The following ATG10 variants were observed in gnomAD, a reference collection of about 807,000 sequenced individuals.
The protein encoded by ATG10 is autophagy related 10.
ATG10 carries 30 observed loss-of-function variants against 32.1 expected under a neutral mutation model. The observed-to-expected ratio is 0.94, with a 90% CI of 0.70 to 1.27. The LOEUF (loss-of-function observed/expected upper bound fraction) is 1.27, where lower values mean the gene tolerates loss of function less well. ATG10 is among the 50% of genes most tolerant of loss of function. The probability of loss-of-function intolerance (pLI) is 0.00; values close to 1 mark genes in which losing one functional copy is unlikely to be tolerated. For missense variants in ATG10, 233 were observed against 262.3 expected (o/e 0.89, Z 0.77); for synonymous variants, 87 against 91.5 (o/e 0.95, Z 0.28).
intron 3 of ATG10, among the ~76,000 whole-genome samples, chr5:82,152,338 A>G (rs1767637591): frequency 2.0e-5 from 3 of 152,210 alleles, no homozygotes; most frequent in Admixed American, 6.5e-5. Context: ...TGGGTGTCTG[A>G]TCATCCACGA....
chr5:82,186,413 T>C (rs1462962208), intron 5 of ATG10, among the ~76,000 whole-genome samples: 1 of 152,216 alleles, frequency 6.6e-6, no homozygotes, highest in East Asian at 1.9e-4. Flanking sequence ...GTGTGAGATA[T>C]ACTCTGTTTG....
intron 5 of ATG10, among the ~76,000 whole-genome samples, chr5:82,245,761 C>G (rs1747004775): frequency 6.6e-6 from 1 of 152,058 alleles, no homozygotes; most frequent in Non-Finnish European, 1.5e-5. Context: ...TATTTAGAAA[C>G]AAGGATTTAT....
intron 5 of ATG10, among the ~76,000 whole-genome samples, chr5:82,248,267 G>T (rs933482284): frequency 1.3e-5 from 2 of 152,164 alleles, no homozygotes; most frequent in Non-Finnish European, 2.9e-5. Context: ...GCAACCTCTG[G>T]CTAGCAGAGC....
chr5:82,138,692 A>G (rs1195869371), intron 3 of ATG10, among the ~76,000 whole-genome samples: 1 of 152,136 alleles, frequency 6.6e-6, no homozygotes, highest in East Asian at 1.9e-4. Context: ...GGATCCATGG[A>G]TTCTTTTTAG....
intron 3 of ATG10, among the ~76,000 whole-genome samples, chr5:82,100,291 G>A (rs1765224674): frequency 6.6e-6 from 1 of 152,062 alleles, no homozygotes; most frequent in Non-Finnish European, 1.5e-5. Flanking sequence ...ATAGGCGTGA[G>A]CCACCGCACC....
intron 2 of ATG10, among the ~76,000 whole-genome samples, chr5:81,989,249 A>G (rs1400000545): frequency 6.6e-6 from 1 of 152,172 alleles, no homozygotes; most frequent in Non-Finnish European, 1.5e-5. Context: ...TGCTGGTTGG[A>G]TATGTTTCCT....
intron 3 of ATG10, among the ~76,000 whole-genome samples, chr5:82,092,332 G>A (rs1259497136): frequency 6.6e-6 from 1 of 152,022 alleles, no homozygotes; most frequent in African/African-American, 2.4e-5. Flanking sequence ...GGAAAATATA[G>A]GTTTACATTT....
chr5:82,029,720 C>T (rs17303294), intron 2 of ATG10, among the ~76,000 whole-genome samples: 6,052 of 152,114 alleles, frequency 0.04, 167 homozygotes, highest in South Asian at 0.074. Context: ...AGAATAAAGG[C>T]CTGGAAGGAG....
intron 1 of ATG10, among the ~76,000 whole-genome samples, chr5:81,977,729 A>G (rs1414221872): frequency 6.6e-6 from 1 of 152,186 alleles, no homozygotes; most frequent in Non-Finnish European, 1.5e-5. Context: ...AATTGAATTC[A>G]TGTGTTCAGA....
intron 5 of ATG10, among the ~76,000 whole-genome samples, chr5:82,181,454 A>G (rs1240558852): frequency 6.6e-6 from 1 of 152,072 alleles, no homozygotes; most frequent in Non-Finnish European, 1.5e-5. Context: ...GTTGGTATTT[A>G]TATCCTCTTC....
chr5:82,031,588 A>G (rs892638553), intron 2 of ATG10, among the ~76,000 whole-genome samples: 3 of 152,238 alleles, frequency 2.0e-5, no homozygotes, highest in Admixed American at 2.0e-4. Context: ...TGACATTATA[A>G]TGTGAAAAAA....
At chr5:82,232,987 T>G (rs550445484) in intron 5 of ATG10, among the ~76,000 whole-genome samples, 1 of 152,300 alleles carries the variant, frequency 6.6e-6, no homozygotes, top group African/African-American at 2.4e-5. Flanking sequence ...CACTCCCTTC[T>G]AATGGTCTTT....
chr5:81,979,287 A>G (rs374358546), intron 1 of ATG10, among the ~76,000 whole-genome samples: 15 of 152,264 alleles, frequency 9.9e-5, no homozygotes, highest in African/African-American at 3.6e-4. Context: ...CAGCACTTCC[A>G]GAGGCCGAGA....
intron 3 of ATG10, among the ~76,000 whole-genome samples, chr5:82,108,910 C>G (rs1765525650): frequency 6.6e-6 from 1 of 151,862 alleles, no homozygotes; most frequent in Non-Finnish European, 1.5e-5. Flanking sequence ...GAAGATAATT[C>G]CATTTTGGCA....
chr5:82,233,760 A>G (rs981930690), intron 5 of ATG10, among the ~76,000 whole-genome samples: 4 of 152,176 alleles, frequency 2.6e-5, no homozygotes, highest in Admixed American at 2.6e-4. Flanking sequence ...TTCTTACTAT[A>G]TAGGGGAGAG....
At chr5:82,010,628 A>G (rs1046501275) in intron 2 of ATG10, among the ~76,000 whole-genome samples, 6 of 152,202 alleles carry the variant, frequency 3.9e-5, no homozygotes, top group Admixed American at 3.9e-4. Context: ...TATTGCTGAT[A>G]TGCAGGTAAG....
chr5:82,200,341 A>G (rs928305323), intron 5 of ATG10, among the ~76,000 whole-genome samples: 3 of 152,012 alleles, frequency 2.0e-5, no homozygotes, highest in Non-Finnish European at 4.4e-5. Context: ...TAGTAGTATC[A>G]TACTATGGTT....
chr5:82,230,213 G>A (rs1028211123), intron 5 of ATG10, among the ~76,000 whole-genome samples: 4 of 152,122 alleles, frequency 2.6e-5, no homozygotes, highest in Non-Finnish European at 4.4e-5. Flanking sequence ...TTCAAAGGAA[G>A]GGTTAGTTCT....
chr5:82,003,624 A>G (rs1761910248), intron 2 of ATG10, among the ~76,000 whole-genome samples: 1 of 152,246 alleles, frequency 6.6e-6, no homozygotes, highest in Non-Finnish European at 1.5e-5. Flanking sequence ...AAAACCATGT[A>G]TTCATAATGT....
Sources: allele counts gnomAD v4.1 joint callset (sites outside exome capture counted in the v4.1 genomes callset), GRCh38; gene constraint gnomAD v4.1.1; transcripts MANE v1.5; gene names NCBI Gene and HGNC (gene_info 2026-07-23, HGNC 2026-07-21).